The following MBD5 variants were observed in gnomAD, a reference collection of about 807,000 sequenced individuals.
MBD5 encodes methyl-CpG binding domain protein 5.
MBD5 carries 13 observed loss-of-function variants against 117.3 expected under a neutral mutation model. The ratio of observed to expected loss-of-function variants is 0.11; its 90% confidence interval spans 0.07 to 0.18. MBD5 has a LOEUF of 0.18. Among genes scored for constraint, MBD5 ranks in the 10% least tolerant of loss-of-function variants. The pLI is 1.00. For missense variants in MBD5, 1,879 were observed against 2,093.8 expected (o/e 0.90, Z 2.00); for synonymous variants, 727 against 766.4 (o/e 0.95, Z 0.85).
intron 1 of MBD5, among the ~76,000 whole-genome samples, chr2:148,158,131 A>T (rs1697917677): frequency 6.6e-6 from 1 of 152,216 alleles, no homozygotes; most frequent in Admixed American, 6.5e-5. Flanking sequence ...ATAAAAATTT[A>T]AAAATAAAAT....
intron 9 of MBD5, among the ~76,000 whole-genome samples, chr2:148,484,775 C>T (rs907295613): frequency 4.0e-5 from 6 of 151,816 alleles, no homozygotes; most frequent in Non-Finnish European, 7.4e-5. Flanking sequence ...CAAAATAGTT[C>T]GAAAATAATG....
At chr2:148,297,901 G>A (rs1249581560) in intron 3 of MBD5, among the ~76,000 whole-genome samples, 1 of 152,318 alleles carries the variant, frequency 6.6e-6, no homozygotes, top group South Asian at 2.1e-4. Context: ...CTCTTGGGGA[G>A]AGCTTCGGAG....
intron 4 of MBD5, among the ~76,000 whole-genome samples, chr2:148,415,479 C>T (rs983467576): frequency 6.6e-6 from 1 of 152,058 alleles, no homozygotes; most frequent in Non-Finnish European, 1.5e-5. Flanking sequence ...TGCAGGGGTT[C>T]TTGGCATTCC....
chr2:148,297,302 A>C (rs548019883), intron 3 of MBD5, among the ~76,000 whole-genome samples: 1 of 152,276 alleles, frequency 6.6e-6, no homozygotes, highest in Admixed American at 6.5e-5. Context: ...TTATTCATTT[A>C]ATGACTTCCC....
intron 2 of MBD5, among the ~76,000 whole-genome samples, chr2:148,229,767 G>C (rs1382784540): frequency 1.3e-5 from 2 of 152,140 alleles, no homozygotes; most frequent in East Asian, 3.9e-4. Flanking sequence ...TAAAGGTACT[G>C]CCTTGATGGT....
intron 2 of MBD5, among the ~76,000 whole-genome samples, chr2:148,198,932 G>A (rs147002505): frequency 4.2e-5 from 6 of 141,558 alleles, no homozygotes; most frequent in Admixed American, 4.2e-4. Flanking sequence ...ATATATGTAT[G>A]TATGTGTATA....
intron 3 of MBD5, among the ~76,000 whole-genome samples, chr2:148,304,965 T>C (rs934651034): frequency 6.6e-6 from 1 of 150,562 alleles, no homozygotes; most frequent in Non-Finnish European, 1.5e-5. Flanking sequence ...CTTGGGAGGC[T>C]GAGGCAGGAG....
intron 4 of MBD5, among the ~76,000 whole-genome samples, chr2:148,432,048 T>G (rs1362957603): frequency 6.6e-6 from 1 of 152,286 alleles, no homozygotes; most frequent in South Asian, 2.1e-4. Flanking sequence ...CTTTTTTTAC[T>G]TTTTAATAGT....
chr2:148,298,781 A>G (rs1446473623), intron 3 of MBD5, among the ~76,000 whole-genome samples: 1 of 152,254 alleles, frequency 6.6e-6, no homozygotes, highest in East Asian at 1.9e-4. Flanking sequence ...AAATTACAGC[A>G]TCCTCATATA....
At chr2:148,412,282 G>T (rs1220910600) in intron 4 of MBD5, among the ~76,000 whole-genome samples, 25 of 150,868 alleles carry the variant, frequency 1.7e-4, no homozygotes, top group African/African-American at 6.1e-4. Flanking sequence ...TTGTGTGTGT[G>T]TGTGTGTGTG....
At chr2:148,355,432 TA>T in intron 4 of MBD5, among the ~76,000 whole-genome samples, 1 of 152,296 alleles carries the variant, frequency 6.6e-6, no homozygotes, top group East Asian at 1.9e-4. Flanking sequence ...TTTAAGTCTT[TA>T]ATTCATCTTG....
intron 1 of MBD5, among the ~76,000 whole-genome samples, chr2:148,032,741 T>C (rs756980849): frequency 6.6e-6 from 1 of 152,172 alleles, no homozygotes; most frequent in Non-Finnish European, 1.5e-5. Context: ...ATTTGTGTTA[T>C]AGAAGTTCAT....
chr2:148,496,791 T>G (rs1681715987), intron 11 of MBD5, among the ~76,000 whole-genome samples: 1 of 152,318 alleles, frequency 6.6e-6, no homozygotes, highest in South Asian at 2.1e-4. Context: ...AGGCCTCAGA[T>G]AATGCCACTA....
intron 3 of MBD5, among the ~76,000 whole-genome samples, chr2:148,235,600 A>G (rs1483522668): frequency 3.3e-5 from 5 of 152,192 alleles, no homozygotes; most frequent in African/African-American, 1.2e-4. Flanking sequence ...GATTTATAAG[A>G]ATGCTACAGG....
chr2:148,109,245 G>A (rs1198907520), intron 1 of MBD5, among the ~76,000 whole-genome samples: 3 of 151,994 alleles, frequency 2.0e-5, no homozygotes, highest in African/African-American at 4.8e-5. Flanking sequence ...TGTTTGCACC[G>A]CTGTACCCTA....
At chr2:148,051,869 A>G (rs1694714154) in intron 1 of MBD5, among the ~76,000 whole-genome samples, 1 of 152,040 alleles carries the variant, frequency 6.6e-6, no homozygotes, top group African/African-American at 2.4e-5. Flanking sequence ...GTCTTACAGT[A>G]TGAGTTAAGG....
At chr2:148,354,024 T>A (rs1703310525) in intron 4 of MBD5, among the ~76,000 whole-genome samples, 1 of 152,174 alleles carries the variant, frequency 6.6e-6, no homozygotes, top group Non-Finnish European at 1.5e-5. Flanking sequence ...CTTCAACTCT[T>A]CTTCTTCCTG....
chr2:148,256,981 A>G (rs1367899390), intron 3 of MBD5, among the ~76,000 whole-genome samples: 1 of 152,168 alleles, frequency 6.6e-6, no homozygotes, highest in Non-Finnish European at 1.5e-5. Flanking sequence ...GAATGCACCC[A>G]TCCTGCTATA....
At chr2:148,377,099 T>C (rs187549210) in intron 4 of MBD5, among the ~76,000 whole-genome samples, 84 of 151,702 alleles carry the variant, frequency 5.5e-4, no homozygotes, top group Non-Finnish European at 9.1e-4. Flanking sequence ...TATTAAGTAG[T>C]ATTAACTCAC....
Sources: allele counts gnomAD v4.1 joint callset (sites outside exome capture counted in the v4.1 genomes callset), GRCh38; gene constraint gnomAD v4.1.1; transcripts MANE v1.5; gene names NCBI Gene and HGNC (gene_info 2026-07-23, HGNC 2026-07-21).